ARHGEF37: variants seen among roughly 807,000 people sequenced by gnomAD.
The protein encoded by ARHGEF37 is Rho guanine nucleotide exchange factor (GEF) 37.
In ARHGEF37, 55 loss-of-function variants were observed where a neutral mutation model predicts 71.1. The ratio of observed to expected loss-of-function variants is 0.77; its 90% confidence interval spans 0.62 to 0.97. The LOEUF is 0.97. Among genes scored for constraint, ARHGEF37 ranks in the 50% least tolerant of loss-of-function variants. ARHGEF37 has a pLI of 0.00. For synonymous variants in ARHGEF37, 327 were observed against 350.6 expected (o/e 0.93, Z 0.75); for missense variants, 765 against 836.8 (o/e 0.91, Z 1.06).
chr5:149,619,088 C>T, intron 7 of ARHGEF37, 46 bp downstream of exon 7: 1 of 1,545,068 alleles, frequency 6.5e-7, no homozygotes, highest in Non-Finnish European at 8.9e-7. Flanking sequence ...GGGCTGGGTT[C>T]CCCTGGCAGG....
intron 3 of ARHGEF37, among the ~76,000 whole-genome samples, chr5:149,607,755 CTTTTT>C (rs67079479): frequency 3.0e-4 from 25 of 83,098 alleles, no homozygotes; most frequent in Admixed American, 4.5e-4. Flanking sequence ...AAAGAAACTT[CTTTTT>C]TTTTTTTTTT....
intron 6 of ARHGEF37, 97 bp from the exon 7 acceptor site, chr5:149,618,841 C>A: frequency 1.0e-6 from 1 of 971,578 alleles, no homozygotes. Context: ...GTGGGCGAGT[C>A]TGTGGAAAGG....
intron 3 of ARHGEF37, among the ~76,000 whole-genome samples, chr5:149,604,747 A>G (rs189827326): frequency 3.4e-4 from 49 of 143,642 alleles, no homozygotes; most frequent in Non-Finnish European, 6.1e-4. Flanking sequence ...CAGTGGTGCA[A>G]TCTTAGCTCA....
intron 1 of ARHGEF37, among the ~76,000 whole-genome samples, chr5:149,585,120 G>C (rs1763196758): frequency 6.6e-6 from 1 of 152,186 alleles, no homozygotes; most frequent in South Asian, 2.1e-4. Flanking sequence ...TAACTATTAG[G>C]ATGGCTAAAA....
intron 10 of ARHGEF37, among the ~76,000 whole-genome samples, chr5:149,624,983 C>A (rs967151945): frequency 9.3e-5 from 14 of 149,980 alleles, no homozygotes; most frequent in African/African-American, 3.4e-4. Flanking sequence ...ATTGCAACCT[C>A]CACCTCTCAG....
At chr5:149,616,449 G>A (rs188586010) in intron 4 of ARHGEF37, 118 bp from the exon 5 acceptor site, 4 of 903,770 alleles carry the variant, frequency 4.4e-6, no homozygotes, top group Non-Finnish European at 5.0e-6. Flanking sequence ...TCGCAGAGAG[G>A]GGGTGACTTG....
upstream of ARHGEF37, among the ~76,000 whole-genome samples, chr5:149,579,354 C>T (rs1229045892): frequency 1.3e-5 from 2 of 152,118 alleles, no homozygotes; most frequent in African/African-American, 2.4e-5. Flanking sequence ...CTCTTCACTT[C>T]CCGGCTGACT....
intron 3 of ARHGEF37, among the ~76,000 whole-genome samples, chr5:149,604,049 T>C (rs141368375): frequency 1.9e-3 from 285 of 152,368 alleles, no homozygotes; most frequent in Non-Finnish European, 3.3e-3. Context: ...GAAATTGATA[T>C]AGCCTCAGGC....
At chr5:149,623,575 G>A (rs373925374) in intron 9 of ARHGEF37, among the ~76,000 whole-genome samples, 5 of 152,344 alleles carry the variant, frequency 3.3e-5, no homozygotes, top group African/African-American at 1.2e-4. Context: ...GGGGATGCCA[G>A]TAGAGAGGTG....
At chr5:149,572,454 AATACTGTGTAATATCAGGTG>A (rs1440194209) in intron 1 of ARHGEF37, among the ~76,000 whole-genome samples, 1 of 152,202 alleles carries the variant, frequency 6.6e-6, no homozygotes. Context: ...TTGTATGCAG[AATACTGTGTAATATCAGGTG>A]GAAGTATGAA....
chr5:149,605,918 G>C (rs1168052065), intron 3 of ARHGEF37, among the ~76,000 whole-genome samples: 1 of 152,082 alleles, frequency 6.6e-6, no homozygotes, highest in Non-Finnish European at 1.5e-5. Context: ...ATCCCAGCTA[G>C]AGATGAGTAT....
intron 7 of ARHGEF37, among the ~76,000 whole-genome samples, chr5:149,619,246 T>C (rs542328445): frequency 3.9e-5 from 6 of 152,228 alleles, no homozygotes; most frequent in East Asian, 1.9e-4. Context: ...TCCGAGCCCA[T>C]TGGAGTTCCT....
At chr5:149,568,976 T>C (rs1762931365) in intron 1 of ARHGEF37, among the ~76,000 whole-genome samples, 1 of 152,180 alleles carries the variant, frequency 6.6e-6, no homozygotes, top group Non-Finnish European at 1.5e-5. Flanking sequence ...TATGTATATT[T>C]ATGTGTATGA....
chr5:149,607,638 A>G (rs1763950980), intron 3 of ARHGEF37, among the ~76,000 whole-genome samples: 1 of 151,808 alleles, frequency 6.6e-6, no homozygotes, highest in African/African-American at 2.4e-5. Context: ...TGGTGGGATT[A>G]TCATTGGTTC....
intron 11 of ARHGEF37, 68 bp downstream of exon 11, chr5:149,627,339 A>G: frequency 4.6e-6 from 7 of 1,528,656 alleles, no homozygotes; most frequent in Non-Finnish European, 6.2e-6. Context: ...CGGTGCAGAG[A>G]CCCGGGCACT....
intron 1 of ARHGEF37, among the ~76,000 whole-genome samples, chr5:149,554,032 G>A (rs147398805): frequency 0.024 from 3,676 of 152,232 alleles, 75 homozygotes; most frequent in East Asian, 0.089. Flanking sequence ...GCCGGGCGTG[G>A]TGGCGCATGC....
chr5:149,572,979 G>A (rs543592463), intron 1 of ARHGEF37, among the ~76,000 whole-genome samples: 3 of 152,242 alleles, frequency 2.0e-5, no homozygotes, highest in African/African-American at 4.8e-5. Context: ...GTTCAAAGGC[G>A]TGGCCCTGGC....
At chr5:149,609,721 C>T (rs770810536) in intron 4 of ARHGEF37, 26 bp downstream of exon 4, 17 of 1,611,304 alleles carry the variant, frequency 1.1e-5, no homozygotes, top group South Asian at 3.3e-5. Context: ...AGTGAGCACT[C>T]GCTCCTACCC....
intron 3 of ARHGEF37, among the ~76,000 whole-genome samples, chr5:149,605,647 C>G (rs1178642566): frequency 2.0e-5 from 3 of 152,170 alleles, no homozygotes; most frequent in Non-Finnish European, 4.4e-5. Context: ...TTAAAATGAT[C>G]ATGAAAATAG....
Sources: gnomAD v4.1 joint callset for allele counts (sites outside exome capture counted in the v4.1 genomes callset) on GRCh38, gnomAD v4.1.1 for gene constraint, MANE v1.5 for transcripts, NCBI Gene and HGNC (gene_info 2026-07-23, HGNC 2026-07-21) for gene names.